XKR9: variants seen among roughly 807,000 people sequenced by gnomAD.
XKR9 encodes the protein XK related 9.
In XKR9, 32 loss-of-function variants were observed where a neutral mutation model predicts 32.0. The ratio of observed to expected loss-of-function variants is 1.00; its 90% CI spans 0.76 to 1.34. The LOEUF is 1.34. Among genes scored for constraint, XKR9 ranks in the 40% most tolerant of loss-of-function variants. XKR9 has a pLI of 0.00. For synonymous variants in XKR9, 168 were observed against 143.4 expected (o/e 1.17, Z -1.22); for missense variants, 546 against 429.7 (o/e 1.27, Z -2.39).
the XKR9 span, among the ~76,000 whole-genome samples, chr8:70,918,828 A>AGTGCAGTG: frequency 9.2e-6 from 1 of 108,626 alleles, no homozygotes; most frequent in Non-Finnish European, 1.7e-5. Flanking sequence ...CCCAGGCTGG[A>AGTGCAGTG]GTGCAGTGGC....
chr8:70,728,539 T>G (rs1394096504), intron 4 of XKR9, among the ~76,000 whole-genome samples: 1 of 152,160 alleles, frequency 6.6e-6, no homozygotes, highest in Non-Finnish European at 1.5e-5. Context: ...GGAGTGCAGT[T>G]CCCAGTTTTA....
At chr8:70,809,631 G>A in the XKR9 span, among the ~76,000 whole-genome samples, 1 of 152,190 alleles carries the variant, frequency 6.6e-6, no homozygotes. Context: ...CACGGCATGA[G>A]AACTACATGA....
At chr8:70,714,524 G>A (rs12547106) in intron 4 of XKR9, among the ~76,000 whole-genome samples, 1 of 151,588 alleles carries the variant, frequency 6.6e-6, no homozygotes, top group South Asian at 2.1e-4. Flanking sequence ...CTTTTCTCTA[G>A]CGTGGTCGAT....
the XKR9 span, among the ~76,000 whole-genome samples, chr8:70,850,595 A>G: frequency 6.6e-6 from 1 of 152,126 alleles, no homozygotes; most frequent in Non-Finnish European, 1.5e-5. Context: ...CACCACAATC[A>G]AGTTGGTTTT....
chr8:70,829,800 G>A, the XKR9 span, among the ~76,000 whole-genome samples: 1 of 152,060 alleles, frequency 6.6e-6, no homozygotes, highest in Non-Finnish European at 1.5e-5. Context: ...AAGAAACTAC[G>A]AAATTTCCTA....
At chr8:71,022,502 G>A in the XKR9 span, among the ~76,000 whole-genome samples, 5 of 152,168 alleles carry the variant, frequency 3.3e-5, no homozygotes, top group South Asian at 2.1e-4. Flanking sequence ...AGTATGATGG[G>A]GTTCCCTGAA....
chr8:71,051,660 G>A, the XKR9 span, among the ~76,000 whole-genome samples: 1 of 152,136 alleles, frequency 6.6e-6, no homozygotes. Flanking sequence ...GCACATTAAT[G>A]TGAAATATTG....
At chr8:70,833,173 C>G in the XKR9 span, among the ~76,000 whole-genome samples, 1 of 152,102 alleles carries the variant, frequency 6.6e-6, no homozygotes, top group Non-Finnish European at 1.5e-5. Context: ...TTCCCTCCCC[C>G]AGAATAAGGA....
chr8:70,973,158 G>A, the XKR9 span, among the ~76,000 whole-genome samples: 5 of 151,844 alleles, frequency 3.3e-5, no homozygotes, highest in African/African-American at 7.3e-5. Flanking sequence ...TTATTGGTCT[G>A]CTCAGAGATT....
the XKR9 span, among the ~76,000 whole-genome samples, chr8:70,865,926 A>G: frequency 1.3e-5 from 2 of 152,186 alleles, no homozygotes; most frequent in African/African-American, 4.8e-5. Context: ...TAATTCGAGC[A>G]CTTTTTTACA....
At chr8:70,690,612 G>A (rs1356217970) in intron 3 of XKR9, among the ~76,000 whole-genome samples, 1 of 151,632 alleles carries the variant, frequency 6.6e-6, no homozygotes, top group Non-Finnish European at 1.5e-5. Context: ...GCCTCCCAAA[G>A]TGTTGGGATT....
chr8:70,856,317 C>G, the XKR9 span, among the ~76,000 whole-genome samples: 240 of 151,948 alleles, frequency 1.6e-3, 1 homozygote, highest in African/African-American at 5.4e-3. Flanking sequence ...AATAAAGCAG[C>G]GTTGCAATCC....
At chr8:70,739,906 T>A (rs911296933), downstream of XKR9, among the ~76,000 whole-genome samples, 23 of 152,342 alleles carry the variant, frequency 1.5e-4, no homozygotes, top group Admixed American at 1.0e-3. Context: ...TAACATTTTT[T>A]CCTTCATTTC....
At chr8:70,783,350 C>A (rs562783750) in intron 2 of XKR9, among the ~76,000 whole-genome samples, 2 of 152,168 alleles carry the variant, frequency 1.3e-5, no homozygotes, top group Non-Finnish European at 2.9e-5. Flanking sequence ...CCTCAGCCTC[C>A]CAAGTAGCTG....
At chr8:70,774,839 T>A (rs980999239) in intron 2 of XKR9, among the ~76,000 whole-genome samples, 1 of 152,204 alleles carries the variant, frequency 6.6e-6, no homozygotes, top group Admixed American at 6.5e-5. Context: ...CTTTGTTCTT[T>A]TTCAAAATTG....
chr8:70,734,520 A>G lies in XKR9; in HGVS notation c.*96A>G. ...GGGTGTGTTGTCTCTTATTTTTGCC[A>G]CCTTTAATTTGAAATTAGTTCAGTG... On this transcript the variant is annotated 3_prime_UTR_variant, in exon 5 of 5. Coordinates refer to ENST00000408926, the MANE Select transcript of XKR9 (RefSeq NM_001011720.2). The G allele has an allele frequency of 7.3e-7, 1 of 1,368,436 alleles. No homozygotes were observed. The highest frequency in any genetic ancestry group is 1.9e-5 in the South Asian group (1 of 52,172). The allele number at this position is 1,368,436 out of a possible 1,614,324, so 84.8% of individuals were successfully genotyped here.
chr8:70,796,855 A>G, the XKR9 span, among the ~76,000 whole-genome samples: 1 of 152,202 alleles, frequency 6.6e-6, no homozygotes, highest in Admixed American at 6.5e-5. Context: ...CAACCCTAAC[A>G]TAACATATAT....
At chr8:70,777,365 A>G (rs779632774) in intron 2 of XKR9, among the ~76,000 whole-genome samples, 87 of 152,124 alleles carry the variant, frequency 5.7e-4, no homozygotes, top group Admixed American at 2.0e-4. Flanking sequence ...ACTGATGGAC[A>G]TTTGGGTTGG....
At chr8:70,688,421 ATT>A (rs561074619) in intron 3 of XKR9, among the ~76,000 whole-genome samples, 1 of 145,044 alleles carries the variant, frequency 6.9e-6, no homozygotes, top group Non-Finnish European at 1.5e-5. Context: ...CACAGGCCAC[ATT>A]TTTTTTTTTT....
Sources: gnomAD v4.1 joint callset for allele counts (sites outside exome capture counted in the v4.1 genomes callset) on GRCh38, gnomAD v4.1.1 for gene constraint, MANE v1.5 for transcripts, NCBI Gene and HGNC (gene_info 2026-07-23, HGNC 2026-07-21) for gene names.